AQR: variants seen among roughly 807,000 people sequenced by gnomAD.
The protein encoded by AQR is aquarius intron-binding spliceosomal factor, also known as RNA helicase aquarius.
Under a neutral mutation model 180.5 loss-of-function variants are expected in AQR, and 61 were observed. That is an observed-to-expected ratio of 0.34 (90% CI 0.28 to 0.42). The LOEUF (loss-of-function observed/expected upper bound fraction) is 0.42. Ranked by LOEUF, AQR falls within the 10% of genes least tolerant of loss-of-function variation. The pLI is 1.00. For missense variants in AQR, 1,281 were observed against 1,798.3 expected, an observed-to-expected ratio of 0.71 and a Z score of 5.20; for synonymous variants, 551 against 588.8, an observed-to-expected ratio of 0.94 and a Z score of 0.93.
chr15:34,922,978 G>A (rs1647103336), intron 13 of AQR, among the ~76,000 whole-genome samples: 1 of 152,056 alleles, frequency 6.6e-6, no homozygotes, highest in Non-Finnish European at 1.5e-5. Context: ...CCTGTAAATT[G>A]TTTTATTATT....
chr15:34,905,882 C>A (rs1220816726), intron 18 of AQR, among the ~76,000 whole-genome samples: 4 of 151,536 alleles, frequency 2.6e-5, no homozygotes, highest in African/African-American at 9.7e-5. Context: ...ACTAAAAATA[C>A]AAAAATTAGC....
chr15:34,959,693 C>G (rs148027956), intron 3 of AQR, among the ~76,000 whole-genome samples: 1 of 152,254 alleles, frequency 6.6e-6, no homozygotes, highest in Non-Finnish European at 1.5e-5. Context: ...CCTTTTCCTA[C>G]ATCTGCCACA....
At chr15:34,913,845 G>A (rs1893536483) in intron 16 of AQR, among the ~76,000 whole-genome samples, 2 of 152,176 alleles carry the variant, frequency 1.3e-5, no homozygotes, top group Non-Finnish European at 2.9e-5. Flanking sequence ...ATCAGCCAGT[G>A]GGTATACAAA....
chr15:34,884,527 C>A lies in AQR; in HGVS notation c.3025G>T (p.Glu1009Ter). The change falls in exon 26 of 35, where the codon GAG (glutamate) becomes TAG (stop). Residue 1009 changes from glutamate (E) to a stop codon, truncating the protein, a stop_gained and splice_region_variant. Transcript: ENST00000156471. LOFTEE classifies it high-confidence loss of function. The stretch of plus-strand genomic sequence containing the variant: ...TCAAAGAACTTGAGAATCCTTACCT[C>A]AAGCTGCGTAAAGATTTTCTTAATA... ...RHIKKIFTQLEEFRASELLRS... is the reference protein window; with the variant it reads ...RHIKKIFTQL 6.3e-7 allele frequency: 1 copy of A among 1,583,628 alleles called. No homozygotes were observed. The highest frequency in any genetic ancestry group is 1.2e-5 in the South Asian group (1 of 85,190).
rs375985364 is a variant in AQR at position 34,856,934 on chromosome 15, G to T, written c.4316C>A (p.Pro1439His). 6.2e-7 allele frequency: 1 copy of T among 1,614,062 alleles called. No homozygotes were observed. Among genetic ancestry groups the T allele is most frequent in the South Asian group, 1.1e-5 (1 of 91,066 alleles). Reference protein sequence around the residue: ...ETPAFQTDTTPSETGATSTPE... With the variant: ...ETPAFQTDTTHSETGATSTPE... Reference sequence around the variant, plus strand: ...AGTGGAAGTGGCTCCTGTCTCACTGGGGGTGGTGTCAGTTTGAAAGGCTGG... The same window carrying T: ...AGTGGAAGTGGCTCCTGTCTCACTGTGGGTGGTGTCAGTTTGAAAGGCTGG... Residue 1439 changes from proline (P) to histidine (H), a missense_variant, in exon 35 of 35, where the codon CCC becomes CAC. Pro to His is a moderately conservative substitution (Grantham distance 77, BLOSUM62 -2). Coordinates refer to ENST00000156471, the MANE Select transcript of AQR (RefSeq NM_014691.3).
At chr15:34,915,208 A>ATTT in intron 15 of AQR, 29 bp from the exon 16 acceptor site, 1 of 1,536,950 alleles carries the variant, frequency 6.5e-7, no homozygotes, top group Admixed American at 2.1e-5. Context: ...TCCATATTTC[A>ATTT]ATTTTTTTTT....
At chr15:34,957,365 T>A (rs1894335528) in intron 3 of AQR, among the ~76,000 whole-genome samples, 1 of 151,860 alleles carries the variant, frequency 6.6e-6, no homozygotes, top group Non-Finnish European at 1.5e-5. Context: ...CCATGTTAAA[T>A]TTTTAAATAC....
Position 34,873,970 on chromosome 15 carries a change from T to C in AQR, c.3455A>G (p.Lys1152Arg). Residue 1152 changes from lysine (K) to arginine (R), a missense_variant, in exon 30 of 35, where the codon AAG (lysine) becomes AGG (arginine). By Grantham distance (26) the Lys-to-Arg change is conservative (BLOSUM62 2). Coordinates refer to ENST00000156471, the MANE Select transcript of AQR (RefSeq NM_014691.3). ...CACATGGGGTAAGTTTCCTAGATTC[T>C]TGTATCGCCAGTTGTAGAGGTTGCA... ...SLCNLYNWRYKNLGNLPHVQL... is the reference protein window; with the variant it reads ...SLCNLYNWRYRNLGNLPHVQL... 1 of 1,609,840 alleles carries C rather than the reference T, an allele frequency of 6.2e-7. No individual in the cohort carries two copies. The highest frequency in any genetic ancestry group is 8.5e-7 in the Non-Finnish European group (1 of 1,177,772).
In AQR at chr15:34,852,605, GT is replaced by G. The variant is rs1355891699; in HGVS notation, c.*4186del. On this transcript the variant is annotated 3_prime_UTR_variant, in exon 35 of 35. Transcript: ENST00000156471. ...AAAACAAAGTTTTATGCTCTAATAA[GT>G]TTGGGAAATGCTAGGTTAAACAAAG... 2 of 152,020 alleles carry G rather than the reference GT, an allele frequency of 1.3e-5. No homozygotes were observed. The highest frequency in any genetic ancestry group is 4.8e-5 in the African/African-American group (2 of 41,424). The allele number at this position is 152,020 out of a possible 1,614,324, so 9.4% of individuals were successfully genotyped here.
intron 19 of AQR, among the ~76,000 whole-genome samples, chr15:34,903,961 C>A (rs1171992913): frequency 3.3e-5 from 5 of 151,910 alleles, no homozygotes; most frequent in Admixed American, 2.0e-4. Flanking sequence ...GGAAGTATAC[C>A]TACTTTTGAT....
In AQR at chr15:34,852,996, C is replaced by G. The variant is rs776140839; in HGVS notation, c.*3796G>C. 6.6e-6 allele frequency: 1 copy of G among 152,066 alleles called. No homozygotes were observed. The highest frequency in any genetic ancestry group is 6.6e-5 in the Admixed American group (1 of 15,262). The allele number at this position is 152,066 out of a possible 1,614,324, so 9.4% of individuals were successfully genotyped here. On this transcript the variant is annotated 3_prime_UTR_variant, in exon 35 of 35. Coordinates refer to ENST00000156471, the MANE Select transcript of AQR (RefSeq NM_014691.3). The stretch of plus-strand genomic sequence containing the variant: ...CTCTAAGAAGAAAAACTGGAGCGTC[C>G]AAAGCTTCTGGATTCCATTTAATTA...
chr15:34,908,848 C>G (rs1421466193), intron 17 of AQR, among the ~76,000 whole-genome samples: 1 of 152,098 alleles, frequency 6.6e-6, no homozygotes, highest in Non-Finnish European at 1.5e-5. Context: ...TCTGGGGGTA[C>G]CCAGTAAGTT....
At chr15:34,910,096 A>T (rs1362241447) in intron 17 of AQR, 39 bp downstream of exon 17, 1 of 1,604,890 alleles carries the variant, frequency 6.2e-7, no homozygotes. Context: ...GTTCATAACA[A>T]GGCAAAAGGT....
intron 17 of AQR, among the ~76,000 whole-genome samples, chr15:34,907,171 C>T (rs374691622): frequency 6.6e-6 from 1 of 152,168 alleles, no homozygotes; most frequent in Non-Finnish European, 1.5e-5. Flanking sequence ...AACAGGTCAA[C>T]TCAAGAATAA....
intron 27 of AQR, among the ~76,000 whole-genome samples, chr15:34,877,693 A>G (rs1033321585): frequency 3.9e-5 from 6 of 152,248 alleles, no homozygotes; most frequent in Non-Finnish European, 8.8e-5. Context: ...ATATTTACAG[A>G]TTTTGTTTTT....
intron 7 of AQR, among the ~76,000 whole-genome samples, chr15:34,941,248 T>A (rs1012386610): frequency 1.1e-4 from 16 of 152,226 alleles, no homozygotes; most frequent in Admixed American, 5.2e-4. Flanking sequence ...ATTAATTTTT[T>A]ATTTCAAAAC....
At position 34,947,593 on chromosome 15, in the gene AQR, G is replaced by GA. The variant is rs1394679222; in HGVS notation, c.330+670dup. 4.6e-5 allele frequency among the ~76,000 whole-genome samples: 7 copies of GA among 151,124 alleles called. No homozygotes were observed. The East Asian group carries it at 1.4e-3, about 29-fold the overall frequency. On this transcript the variant is annotated intron_variant, in intron 5 of 34. Coordinates refer to ENST00000156471, the MANE Select transcript of AQR (RefSeq NM_014691.3). Reference sequence around the variant, plus strand: ...AAAATAAAAATAAACTCCCTCTTGTGAAAAAAGACACTGAAAAATATCTCA... The same window carrying GA: ...AAAATAAAAATAAACTCCCTCTTGTGAAAAAAAGACACTGAAAAATATCTCA...
chr15:34,964,430 C>G (rs772567464), intron 1 of AQR, 140 bp from the exon 2 acceptor site: 1 of 732,856 alleles, frequency 1.4e-6, no homozygotes, highest in Admixed American at 2.0e-5. Context: ...AGGCACTACA[C>G]AGGCATGCAG....
Position 34,856,789 on chromosome 15 carries a change from T to G in AQR, c.*3A>C, listed in dbSNP as rs775984194. 4.6e-6 allele frequency: 7 copies of G among 1,519,598 alleles called. No individual in the cohort carries two copies. The East Asian group carries it at 1.4e-4, about 30-fold the overall frequency. The allele number at this position is 1,519,598 out of a possible 1,614,324, so 94.1% of individuals were successfully genotyped here. On this transcript the variant is annotated 3_prime_UTR_variant, in exon 35 of 35. Transcript: ENST00000156471. ...GTCCTCCTTTAGAAGGACTACAGTT[T>G]GGCTACTTGGTCTCTTCCGGGGCAG...
Sources: gnomAD v4.1 joint callset for allele counts (sites outside exome capture counted in the v4.1 genomes callset) on GRCh38, gnomAD v4.1.1 for gene constraint, MANE v1.5 for transcripts, NCBI Gene and HGNC (gene_info 2026-07-23, HGNC 2026-07-21) for gene names.